Variants in CAPZB observed in about 807,000 individuals in gnomAD.
CAPZB encodes the protein capping actin protein of muscle Z-line subunit beta.
CAPZB carries 2 observed loss-of-function variants against 38.1 expected under a neutral mutation model. The observed-to-expected ratio is 0.05, with a 90% CI of 0.02 to 0.17. The LOEUF is 0.17. Among genes scored for constraint, CAPZB ranks in the 10% least tolerant of loss-of-function variants. The pLI, the probability that CAPZB is intolerant of heterozygous loss-of-function variation, is 1.00. For synonymous variants in CAPZB, 107 were observed against 127.4 expected (o/e 0.84, Z 1.08); for missense variants, 161 against 334.2 (o/e 0.48, Z 4.04).
chr1:19,389,992 A>G (rs2094224172), intron 2 of CAPZB, among the ~76,000 whole-genome samples: 1 of 152,236 alleles, frequency 6.6e-6, no homozygotes, highest in African/African-American at 2.4e-5. Context: ...AGAGGCCAAG[A>G]CAGGCCCTCC....
chr1:19,348,761 G>T (rs1032652656), intron 6 of CAPZB, among the ~76,000 whole-genome samples: 4 of 102,556 alleles, frequency 3.9e-5, no homozygotes. Flanking sequence ...ATCTGACAAG[G>T]GGGGGGGGCG....
intron 2 of CAPZB, among the ~76,000 whole-genome samples, chr1:19,396,376 T>C (rs1006157013): frequency 7.9e-5 from 12 of 152,186 alleles, no homozygotes; most frequent in Non-Finnish European, 1.3e-4. Context: ...AAGGAGGGAC[T>C]ATTCTTCGGT....
intron 6 of CAPZB, among the ~76,000 whole-genome samples, chr1:19,355,941 GT>G (rs1369797480): frequency 6.6e-6 from 1 of 152,186 alleles, no homozygotes; most frequent in Non-Finnish European, 1.5e-5. Flanking sequence ...GGGCGGGCAA[GT>G]TTGCTCAGGG....
chr1:19,478,421 C>T (rs1400892949), intron 1 of CAPZB, among the ~76,000 whole-genome samples: 3 of 152,222 alleles, frequency 2.0e-5, no homozygotes, highest in African/African-American at 4.8e-5. Context: ...ATCATCACTA[C>T]GTGCCAGGTG....
At chr1:19,434,413 T>C (rs937489270) in intron 1 of CAPZB, among the ~76,000 whole-genome samples, 4 of 151,442 alleles carry the variant, frequency 2.6e-5, no homozygotes, top group African/African-American at 4.9e-5. Context: ...AAATATTCAA[T>C]TAAATAAAAA....
intron 6 of CAPZB, among the ~76,000 whole-genome samples, chr1:19,353,317 G>C (rs933225117): frequency 1.3e-5 from 2 of 152,138 alleles, no homozygotes; most frequent in Non-Finnish European, 2.9e-5. Flanking sequence ...GATGAGGCCA[G>C]GTTTCCAGAG....
chr1:19,410,111 C>T (rs949866672), intron 2 of CAPZB, among the ~76,000 whole-genome samples: 1 of 152,220 alleles, frequency 6.6e-6, no homozygotes, highest in African/African-American at 2.4e-5. Context: ...TCTGAGAATT[C>T]TGACTGATTT....
At chr1:19,375,994 TG>T (rs2094142668) in intron 4 of CAPZB, among the ~76,000 whole-genome samples, 1 of 152,066 alleles carries the variant, frequency 6.6e-6, no homozygotes, top group South Asian at 2.1e-4. Context: ...AACGATGAGA[TG>T]GGAAGGGAGA....
At chr1:19,422,890 G>C (rs1468920770) in intron 1 of CAPZB, among the ~76,000 whole-genome samples, 1 of 152,160 alleles carries the variant, frequency 6.6e-6, no homozygotes, top group East Asian at 1.9e-4. Context: ...CGGTGATCCA[G>C]ACAGAACACA....
chr1:19,392,531 A>T (rs1318926766), intron 2 of CAPZB, among the ~76,000 whole-genome samples: 2 of 70,588 alleles, frequency 2.8e-5, no homozygotes, highest in Non-Finnish European at 2.9e-5. Flanking sequence ...TAAGAATTAA[A>T]AAAAAAAAAA....
chr1:19,432,451 T>C (rs1162897071), intron 1 of CAPZB, among the ~76,000 whole-genome samples: 2 of 152,068 alleles, frequency 1.3e-5, no homozygotes, highest in Non-Finnish European at 2.9e-5. Context: ...CAAAAAAAAT[T>C]TGAAAAAAAG....
intron 2 of CAPZB, among the ~76,000 whole-genome samples, chr1:19,401,585 G>A (rs1440936367): frequency 6.6e-6 from 1 of 152,164 alleles, no homozygotes; most frequent in Non-Finnish European, 1.5e-5. Context: ...CCTAGCCTGG[G>A]AGAAGCCAGG....
intron 1 of CAPZB, among the ~76,000 whole-genome samples, chr1:19,435,665 C>A (rs1296677148): frequency 6.6e-6 from 1 of 152,150 alleles, no homozygotes; most frequent in Non-Finnish European, 1.5e-5. Context: ...GAGTTAAGTG[C>A]CAGTATCAGT....
At chr1:19,473,468 G>A (rs1470831526) in intron 1 of CAPZB, among the ~76,000 whole-genome samples, 4 of 152,202 alleles carry the variant, frequency 2.6e-5, no homozygotes, top group African/African-American at 9.6e-5. Flanking sequence ...GCTTAAAGGA[G>A]TGGCCCAAGA....
At chr1:19,436,523 G>T (rs1035411208) in intron 1 of CAPZB, among the ~76,000 whole-genome samples, 2 of 152,146 alleles carry the variant, frequency 1.3e-5, no homozygotes, top group African/African-American at 4.8e-5. Flanking sequence ...TAAGATCTAT[G>T]GTAAGAATGA....
At chr1:19,474,315 T>G (rs1034231772) in intron 1 of CAPZB, among the ~76,000 whole-genome samples, 12 of 152,132 alleles carry the variant, frequency 7.9e-5, no homozygotes, top group Admixed American at 7.9e-4. Context: ...TATTCTTACT[T>G]AATCCTCTGG....
chr1:19,396,765 A>C (rs571084127), intron 2 of CAPZB, among the ~76,000 whole-genome samples: 126 of 143,196 alleles, frequency 8.8e-4, no homozygotes, highest in Admixed American at 9.5e-4. Context: ...ACACGGTGAA[A>C]CCCCACCTCT....
At chr1:19,461,097 G>A (rs965175801) in intron 1 of CAPZB, among the ~76,000 whole-genome samples, 1 of 10,684 alleles carries the variant, frequency 9.4e-5, no homozygotes, top group African/African-American at 9.8e-5. Flanking sequence ...GGGCGGGGGC[G>A]GGGGGGGGAG....
intron 6 of CAPZB, among the ~76,000 whole-genome samples, chr1:19,348,360 C>T (rs1161537231): frequency 1.3e-5 from 2 of 152,044 alleles, no homozygotes; most frequent in Non-Finnish European, 2.9e-5. Context: ...GCTGTAACTA[C>T]AGGTGTGTGC....
Sources: allele counts gnomAD v4.1 joint callset (sites outside exome capture counted in the v4.1 genomes callset), GRCh38; gene constraint gnomAD v4.1.1; transcripts MANE v1.5; gene names NCBI Gene and HGNC (gene_info 2026-07-23, HGNC 2026-07-21).